The following RASA1 variants were observed in gnomAD, a reference collection of about 807,000 sequenced individuals.
The protein encoded by RASA1 is RAS p21 protein activator 1, also known as ras GTPase-activating protein 1.
Under a neutral mutation model 132.2 loss-of-function variants are expected in RASA1, and 25 were observed. That is an observed-to-expected ratio of 0.19 (90% CI 0.14 to 0.26). RASA1 has a LOEUF of 0.26. RASA1 is among the 10% of genes least tolerant of loss of function. The probability of loss-of-function intolerance (pLI) is 1.00; values close to 1 mark genes in which losing one functional copy is unlikely to be tolerated. For synonymous variants in RASA1, 477 were observed against 449.9 expected (o/e 1.06, Z -0.76); for missense variants, 964 against 1,299.2 (o/e 0.74, Z 3.97).
intron 13 of RASA1, among the ~76,000 whole-genome samples, chr5:87,373,385 T>C (rs1253873639): frequency 1.3e-5 from 2 of 152,140 alleles, no homozygotes; most frequent in Non-Finnish European, 2.9e-5. Context: ...TACTATGTCA[T>C]TTTCTATACG....
At chr5:87,334,916 C>T (rs1036278361) in intron 4 of RASA1, among the ~76,000 whole-genome samples, 33 of 151,864 alleles carry the variant, frequency 2.2e-4, no homozygotes, top group African/African-American at 7.7e-4. Flanking sequence ...CAGAATCTTG[C>T]TCTGTTACCC....
chr5:87,273,209 CATT>C (rs1193897818), intron 1 of RASA1, among the ~76,000 whole-genome samples: 3 of 152,156 alleles, frequency 2.0e-5, no homozygotes, highest in Non-Finnish European at 2.9e-5. Context: ...CGTGGTGAAT[CATT>C]AGTCTCATTT....
chr5:87,351,682 CCTGA>C (rs1000192507), intron 8 of RASA1, among the ~76,000 whole-genome samples: 5 of 151,742 alleles, frequency 3.3e-5, no homozygotes, highest in African/African-American at 1.2e-4. Context: ...GTTTATCTCC[CCTGA>C]CTGTTTATTT....
At chr5:87,372,269 A>G (rs1761004245) in intron 13 of RASA1, 74 bp downstream of exon 13, 7 of 1,393,998 alleles carry the variant, frequency 5.0e-6, no homozygotes, top group Non-Finnish European at 7.1e-6. Flanking sequence ...TTTTATTTTT[A>G]TCTGAACTGT....
rs189633489 is a variant in RASA1, at chr5:87,358,318, T to G, written c.1333-4233T>G. Among the ~76,000 whole-genome samples, 245 of 151,562 alleles carry G rather than the reference T, an allele frequency of 1.6e-3. 3 individuals carry two copies. The highest frequency in any genetic ancestry group is 7.1e-3 in the Admixed American group (108 of 15,284). ...TTTGAGCACTATATTTTAAGCACTG[T>G]TTTTTATACATATTCATTCATTTAA... On this transcript the variant is annotated intron_variant, in intron 9 of 24. Transcript: ENST00000274376.
chr5:87,391,207 G>A lies in RASA1; in HGVS notation c.*324G>A. 1 of 448,574 alleles carries A rather than the reference G, an allele frequency of 2.2e-6. No homozygotes were observed. The highest frequency in any genetic ancestry group is 4.1e-6 in the Non-Finnish European group (1 of 245,140). 27.8% of individuals were successfully genotyped at this position (448,574 alleles called of 1,614,324 possible). ...CTCGAACTTTCAAAATATATTTTCA[G>A]TACACCCAGTTGCCAAAGTTTTGCT... is the stretch of plus-strand genomic sequence containing the variant. On this transcript the variant is annotated 3_prime_UTR_variant, in exon 25 of 25. Coordinates refer to ENST00000274376, the MANE Select transcript of RASA1 (RefSeq NM_002890.3).
chr5:87,331,964 A>G (rs1233046549), intron 2 of RASA1, among the ~76,000 whole-genome samples: 2 of 152,128 alleles, frequency 1.3e-5, no homozygotes, highest in Non-Finnish European at 2.9e-5. Context: ...ATATAAACAT[A>G]TTTACCCATA....
intron 1 of RASA1, among the ~76,000 whole-genome samples, chr5:87,321,803 C>G (rs1017227359): frequency 4.6e-5 from 7 of 152,160 alleles, no homozygotes; most frequent in Non-Finnish European, 8.8e-5. Context: ...TTCATGACAT[C>G]AGCACTTTCC....
intron 20 of RASA1, among the ~76,000 whole-genome samples, chr5:87,383,038 G>A (rs1281019709): frequency 6.6e-6 from 1 of 152,104 alleles, no homozygotes; most frequent in Admixed American, 6.6e-5. Flanking sequence ...GTTGCAGTGA[G>A]CTGTGATTGT....
chr5:87,331,597 C>A, intron 2 of RASA1, 97 bp downstream of exon 2: 1 of 1,315,962 alleles, frequency 7.6e-7, no homozygotes, highest in Non-Finnish European at 1.1e-6. Flanking sequence ...GACTCAGTAA[C>A]AAATAATAGA....
rs553475919 is a variant in RASA1 at position 87,331,944 on chromosome 5, T to A, written c.692+444T>A. Reference sequence around the variant, plus strand: ...AGACATATAAATTTTCAAGTACAAATATTCTGTATATATAAACATATTTAC... The same window carrying A: ...AGACATATAAATTTTCAAGTACAAAAATTCTGTATATATAAACATATTTAC... On this transcript the variant is annotated intron_variant, in intron 2 of 24. Coordinates refer to ENST00000274376, the MANE Select transcript of RASA1 (RefSeq NM_002890.3). Among the ~76,000 whole-genome samples, 7 of 152,244 alleles carry A rather than the reference T, an allele frequency of 4.6e-5. No individual in the cohort carries two copies. The East Asian group carries it at 1.3e-3, about 29-fold the overall frequency.
chr5:87,317,551 T>C (rs974267792), intron 1 of RASA1, among the ~76,000 whole-genome samples: 11 of 152,200 alleles, frequency 7.2e-5, no homozygotes, highest in African/African-American at 2.7e-4. Context: ...ATTGTAGACA[T>C]TGTGTTTCCA....
Position 87,377,025 on chromosome 5 carries a change from G to C in RASA1, c.2329G>C (p.Glu777Gln). ...GTTGTTATGCACACTAAATGACAGAGAAATAAGCATGGAAGGTATGGTATG... is the reference window on the plus strand; with the variant it reads ...GTTGTTATGCACACTAAATGACAGACAAATAAGCATGGAAGGTATGGTATG... ...SLLLCTLNDR[E>Q]ISMEDEATTL... The change falls in exon 17 of 25, where the codon GAA (glutamate) becomes CAA (glutamine). Residue 777 changes from glutamate to glutamine, a missense_variant. By Grantham distance (29) the Glu-to-Gln change is conservative. Coordinates refer to ENST00000274376, the MANE Select transcript of RASA1 (RefSeq NM_002890.3). 1 of 1,613,748 alleles carries C rather than the reference G, an allele frequency of 6.2e-7. No individual in the cohort carries two copies. The highest frequency in any genetic ancestry group is 8.5e-7 in the Non-Finnish European group (1 of 1,179,772).
intron 11 of RASA1, among the ~76,000 whole-genome samples, chr5:87,366,932 T>A (rs889708240): frequency 6.6e-6 from 1 of 151,970 alleles, no homozygotes; most frequent in African/African-American, 2.4e-5. Flanking sequence ...CTCAGGAGAG[T>A]GAGGTATGAG....
intron 12 of RASA1, 30 bp downstream of exon 12, chr5:87,369,930 T>C (rs993946346): frequency 1.3e-6 from 2 of 1,525,004 alleles, no homozygotes; most frequent in Non-Finnish European, 1.8e-6. Context: ...AACTACAGTA[T>C]ACTTTTATGT....
chr5:87,365,371 T>G (rs1760432360), intron 11 of RASA1, among the ~76,000 whole-genome samples: 1 of 152,186 alleles, frequency 6.6e-6, no homozygotes, highest in Non-Finnish European at 1.5e-5. Context: ...CTCTTTATAG[T>G]GGCTATACCT....
At chr5:87,381,147 A>G (rs549454268) in intron 20 of RASA1, among the ~76,000 whole-genome samples, 2 of 152,270 alleles carry the variant, frequency 1.3e-5, no homozygotes, top group African/African-American at 2.4e-5. Flanking sequence ...GCTTTGGCAA[A>G]TCATGGAATT....
chr5:87,268,817 G>A lies in RASA1; in HGVS notation c.366G>A (p.Ser122=), dbSNP rs1753689697. 1.2e-6 allele frequency: 2 copies of A among 1,614,106 alleles called. No homozygotes were observed. The highest frequency in any genetic ancestry group is 1.6e-4 in the Middle Eastern group (1 of 6,062). Residue 122 remains serine (S), a synonymous_variant, in exon 1 of 25, where the codon TCG becomes TCA. Coordinates refer to ENST00000274376, the MANE Select transcript of RASA1 (RefSeq NM_002890.3). The part of the protein sequence containing the change: ...GDMALTKLPT[S]LLAETLGPGG... ...TGGCTCTCACCAAACTGCCCACTTC[G>A]TTGCTTGCTGAGACTCTCGGGCCAG...
At chr5:87,309,362 C>G (rs1353600850) in intron 1 of RASA1, among the ~76,000 whole-genome samples, 4 of 152,052 alleles carry the variant, frequency 2.6e-5, no homozygotes. Context: ...TAGTAGGGCA[C>G]TGGAGAGGAG....
Sources: allele counts gnomAD v4.1 joint callset (sites outside exome capture counted in the v4.1 genomes callset), GRCh38; gene constraint gnomAD v4.1.1; transcripts MANE v1.5; gene names NCBI Gene and HGNC (gene_info 2026-07-23, HGNC 2026-07-21).